Variants in TBC1D1 observed in about 807,000 individuals in gnomAD.
TBC1D1 encodes the protein TBC1 (tre-2/USP6, BUB2, cdc16) domain family, member 1.
Under a neutral mutation model 125.6 loss-of-function variants are expected in TBC1D1, and 89 were observed. The observed-to-expected ratio is 0.71, with a 90% CI of 0.60 to 0.85. The LOEUF is 0.85. Among genes scored for constraint, TBC1D1 ranks in the 40% least tolerant of loss-of-function variants. The probability of loss-of-function intolerance (pLI) is 0.00; values close to 1 mark genes in which losing one functional copy is unlikely to be tolerated. For missense variants in TBC1D1, 1,377 were observed against 1,469.2 expected, an observed-to-expected ratio of 0.94 and a Z score of 1.03; for synonymous variants, 565 against 564.1, an observed-to-expected ratio of 1.00 and a Z score of -0.02.
At chr4:38,007,285 C>G (rs1381883145) in intron 2 of TBC1D1, among the ~76,000 whole-genome samples, 1 of 151,936 alleles carries the variant, frequency 6.6e-6, no homozygotes, top group East Asian at 1.9e-4. Flanking sequence ...CGGAGTCTTG[C>G]TCTGTCGCCC....
intron 2 of TBC1D1, among the ~76,000 whole-genome samples, chr4:37,906,994 A>G (rs1577784864): frequency 6.6e-6 from 1 of 152,380 alleles, no homozygotes; most frequent in East Asian, 1.9e-4. Context: ...GTTAAAAAAC[A>G]AAAGTAATAA....
intron 15 of TBC1D1, among the ~76,000 whole-genome samples, chr4:38,115,103 T>C (rs1391431583): frequency 4.3e-5 from 3 of 69,648 alleles, no homozygotes; most frequent in Non-Finnish European, 1.0e-4. Flanking sequence ...TTTTTCTTTT[T>C]TTTTTTTTTT....
chr4:37,944,111 G>A (rs148549564), intron 2 of TBC1D1, among the ~76,000 whole-genome samples: 3,179 of 152,286 alleles, frequency 0.021, 119 homozygotes, highest in African/African-American at 0.073. Context: ...TCCAGACCTT[G>A]TTTGCCTGGG....
intron 2 of TBC1D1, among the ~76,000 whole-genome samples, chr4:37,923,668 C>T (rs1012951755): frequency 1.4e-5 from 2 of 143,274 alleles, no homozygotes; most frequent in Non-Finnish European, 3.0e-5. Flanking sequence ...TCCTGCTGCA[C>T]CCCCACCCCA....
chr4:37,913,278 T>A (rs1718992865), intron 2 of TBC1D1, among the ~76,000 whole-genome samples: 1 of 152,112 alleles, frequency 6.6e-6, no homozygotes, highest in South Asian at 2.1e-4. Flanking sequence ...GTGAAATTCC[T>A]AACCTGATTT....
chr4:38,087,736 C>G (rs1236216094), intron 12 of TBC1D1, among the ~76,000 whole-genome samples: 1 of 150,490 alleles, frequency 6.6e-6, no homozygotes, highest in African/African-American at 2.5e-5. Context: ...CAACTACTCA[C>G]TCGGGAGTCT....
intron 13 of TBC1D1, among the ~76,000 whole-genome samples, chr4:38,090,859 G>T (rs1424878216): frequency 6.6e-6 from 1 of 152,174 alleles, no homozygotes; most frequent in African/African-American, 2.4e-5. Flanking sequence ...CAGTCACCCT[G>T]CCATTGCCCC....
At chr4:38,102,910 G>C in intron 14 of TBC1D1, 89 bp from the exon 17 acceptor site, 1 of 1,379,390 alleles carries the variant, frequency 7.2e-7, no homozygotes, top group Non-Finnish European at 9.8e-7. Context: ...CAAGAATTTG[G>C]ATAAATGGAA....
intron 18 of TBC1D1, among the ~76,000 whole-genome samples, chr4:38,129,062 C>G (rs946793042): frequency 6.6e-6 from 1 of 152,194 alleles, no homozygotes; most frequent in African/African-American, 2.4e-5. Context: ...TTGTTAGAAA[C>G]TCAGCATCTG....
intron 2 of TBC1D1, among the ~76,000 whole-genome samples, chr4:38,003,687 G>C (rs1739508402): frequency 6.6e-6 from 1 of 151,978 alleles, no homozygotes; most frequent in South Asian, 2.1e-4. Flanking sequence ...GGGCAATATG[G>C]TGAAAACCCA....
intron 12 of TBC1D1, among the ~76,000 whole-genome samples, chr4:38,075,508 T>C (rs1192269067): frequency 1.3e-5 from 2 of 152,208 alleles, no homozygotes; most frequent in African/African-American, 4.8e-5. Context: ...TGTGTTGGGT[T>C]GGGAGAAGAA....
chr4:37,897,079 A>G (rs904267133), intron 1 of TBC1D1, among the ~76,000 whole-genome samples: 1 of 152,208 alleles, frequency 6.6e-6, no homozygotes, highest in Non-Finnish European at 1.5e-5. Context: ...TGCTGAGGGT[A>G]TGAAACATAA....
intron 2 of TBC1D1, among the ~76,000 whole-genome samples, chr4:38,013,131 T>G (rs1741895866): frequency 6.6e-6 from 1 of 152,184 alleles, no homozygotes; most frequent in Non-Finnish European, 1.5e-5. Context: ...TCTCATCAGG[T>G]ATCAATTATT....
chr4:38,118,726 G>A (rs16994237), intron 17 of TBC1D1: 2,887 of 152,688 alleles, frequency 0.019, 41 homozygotes, highest in Admixed American at 0.034. Flanking sequence ...CGCTCTCCCC[G>A]CTCAGCCTTG....
chr4:38,019,363 T>G (rs539103735), intron 4 of TBC1D1, among the ~76,000 whole-genome samples: 18 of 152,324 alleles, frequency 1.2e-4, no homozygotes, highest in South Asian at 6.2e-4. Context: ...TCATATTTCC[T>G]TAAGTGGTAG....
intron 12 of TBC1D1, among the ~76,000 whole-genome samples, chr4:38,055,390 T>C (rs1244044402): frequency 6.6e-6 from 1 of 152,218 alleles, no homozygotes; most frequent in African/African-American, 2.4e-5. Flanking sequence ...CTGGGATTAA[T>C]TATGCCTGTT....
At chr4:38,053,363 C>A in intron 11 of TBC1D1, 138 bp downstream of exon 13, 1 of 792,574 alleles carries the variant, frequency 1.3e-6, no homozygotes, top group Non-Finnish European at 1.7e-6. Context: ...CTTTCTTATA[C>A]TTTTTTCTTA....
At chr4:37,988,004 G>T (rs1326584163) in intron 2 of TBC1D1, among the ~76,000 whole-genome samples, 1 of 152,196 alleles carries the variant, frequency 6.6e-6, no homozygotes, top group East Asian at 1.9e-4. Flanking sequence ...GCAGGTCCCA[G>T]TGTGCTCTGT....
chr4:37,979,491 T>A (rs554883489), intron 2 of TBC1D1, among the ~76,000 whole-genome samples: 1 of 152,348 alleles, frequency 6.6e-6, no homozygotes, highest in Non-Finnish European at 1.5e-5. Flanking sequence ...TAACACACTT[T>A]ACATTACAAA....
Sources: gnomAD v4.1 joint callset for allele counts (sites outside exome capture counted in the v4.1 genomes callset) on GRCh38, gnomAD v4.1.1 for gene constraint, MANE v1.5 for transcripts, NCBI Gene and HGNC (gene_info 2026-07-23, HGNC 2026-07-21) for gene names.